The following PDS5B variants were observed in gnomAD, a reference collection of about 807,000 sequenced individuals.
PDS5B encodes PDS5 cohesin associated factor B.
In PDS5B, 51 loss-of-function variants were observed where a neutral mutation model predicts 184.1. The observed-to-expected ratio is 0.28, with a 90% CI of 0.22 to 0.35. The LOEUF (loss-of-function observed/expected upper bound fraction) is 0.35, where lower values mean the gene tolerates loss of function less well. PDS5B is among the 10% of genes least tolerant of loss of function. The pLI is 1.00. For synonymous variants in PDS5B, 566 were observed against 569.2 expected (o/e 0.99, Z 0.08); for missense variants, 1,180 against 1,723.3 (o/e 0.68, Z 5.58).
At chr13:32,662,435 T>TTATTAAATTA (rs1950675599) in intron 6 of PDS5B, among the ~76,000 whole-genome samples, 1 of 152,062 alleles carries the variant, frequency 6.6e-6, no homozygotes, top group Non-Finnish European at 1.5e-5. Flanking sequence ...ACTACTAATT[T>TTATTAAATTA]AATAACAAGC....
At position 32,770,254 on chromosome 13, in the gene PDS5B, G is replaced by A. The variant is rs371825057; in HGVS notation, c.3758G>A (p.Gly1253Asp). ...GGCAGTCAGCGAAGTCGGAAAAGAG[G>A]CCATACGGCTTCAGAATCTGATGAA... The part of the protein sequence containing the change: ...PKGSQRSRKR[G>D]HTASESDEQQ... Residue 1253 changes from glycine to aspartate, a missense_variant, in exon 32 of 35, where the codon GGC becomes GAC. Transcript: ENST00000315596. The A allele has an allele frequency of 4.3e-6, 7 of 1,613,962 alleles. No homozygotes were observed. The highest frequency in any genetic ancestry group is 5.9e-6 in the Non-Finnish European group (7 of 1,179,996).
intron 1 of PDS5B, among the ~76,000 whole-genome samples, chr13:32,627,013 C>CTT (rs11432906): frequency 0.016 from 2,361 of 151,912 alleles, 45 homozygotes; most frequent in African/African-American, 0.036. Flanking sequence ...CTATCTAGCA[C>CTT]TTTTTTTTAT....
chr13:32,731,825 G>C (rs189970620), intron 19 of PDS5B, among the ~76,000 whole-genome samples: 483 of 152,224 alleles, frequency 3.2e-3, no homozygotes, highest in Admixed American at 5.5e-3. Flanking sequence ...AGGCCTGTTG[G>C]GAGCGGCGTT....
chr13:32,606,210 G>T (rs1405244384), intron 1 of PDS5B, among the ~76,000 whole-genome samples: 1 of 152,176 alleles, frequency 6.6e-6, no homozygotes, highest in Non-Finnish European at 1.5e-5. Context: ...GGTACTGGTT[G>T]TTCCTTTCCA....
chr13:32,656,696 A>G (rs1950522755), intron 3 of PDS5B, among the ~76,000 whole-genome samples: 1 of 151,614 alleles, frequency 6.6e-6, no homozygotes, highest in Non-Finnish European at 1.5e-5. Context: ...TCCTGGGTAC[A>G]AGCAATTCTC....
intron 24 of PDS5B, 67 bp downstream of exon 24, chr13:32,746,167 C>T: frequency 7.5e-7 from 1 of 1,335,824 alleles, no homozygotes; most frequent in Non-Finnish European, 1.1e-6. Context: ...AAAACATCCA[C>T]TGTGATACAT....
In PDS5B at chr13:32,770,175, G is replaced by A; in HGVS notation, c.3679G>A (p.Glu1227Lys). The change falls in exon 32 of 35, where the codon GAG becomes AAG. Residue 1227 changes from glutamate to lysine, a missense_variant. Physicochemically the swap from Glu to Lys is moderately conservative, Grantham distance 56. Around this residue, in one of 11 missense-constraint regions of PDS5B, gnomAD observed 465 missense variants for 497.8 expected, o/e 0.93. Transcript: ENST00000315596. ...RKKTPVTEQEEKLGMDDLTKL... is the reference protein window; with the variant it reads ...RKKTPVTEQEKKLGMDDLTKL... The stretch of plus-strand genomic sequence containing the variant: ...AAAAACGCCCGTCACAGAACAGGAG[G>A]AGAAATTAGGTATGGATGACTTGAC... 6.2e-7 allele frequency: 1 copy of A among 1,613,914 alleles called. No individual in the cohort carries two copies. Among genetic ancestry groups the A allele is most frequent in the East Asian group, 2.2e-5 (1 of 44,856 alleles).
intron 7 of PDS5B, 121 bp from the exon 8 acceptor site, chr13:32,673,095 T>G: frequency 1.2e-6 from 1 of 828,126 alleles, no homozygotes; most frequent in Non-Finnish European, 2.0e-6. Context: ...TTAGAAAATA[T>G]TTTGATATGC....
chr13:32,644,815 G>GA (rs2140638415), intron 1 of PDS5B, among the ~76,000 whole-genome samples: 1 of 152,058 alleles, frequency 6.6e-6, no homozygotes, highest in Non-Finnish European at 1.5e-5. Flanking sequence ...ATTGAGATTT[G>GA]AAAAAATCTG....
At chr13:32,723,839 G>A (rs1415963592) in intron 19 of PDS5B, among the ~76,000 whole-genome samples, 1 of 152,142 alleles carries the variant, frequency 6.6e-6, no homozygotes, top group African/African-American at 2.4e-5. Context: ...TAAAAGATTA[G>A]TGTTTTAGTT....
chr13:32,653,075 C>T (rs1187323691), intron 3 of PDS5B, among the ~76,000 whole-genome samples: 2 of 152,084 alleles, frequency 1.3e-5, no homozygotes, highest in Non-Finnish European at 2.9e-5. Context: ...GGGCCGATCA[C>T]CTGAGGTCAG....
intron 3 of PDS5B, 134 bp downstream of exon 3, chr13:32,652,141 T>TA (rs1950380280): frequency 9.8e-6 from 6 of 612,312 alleles, no homozygotes; most frequent in Admixed American, 3.3e-5. Flanking sequence ...TTGCTAAACT[T>TA]AATGTTTTTT....
At chr13:32,711,502 C>T (rs1952202240) in intron 19 of PDS5B, among the ~76,000 whole-genome samples, 1 of 152,038 alleles carries the variant, frequency 6.6e-6, no homozygotes, top group Admixed American at 6.5e-5. Context: ...GAATTACAGG[C>T]CTGCACCACC....
At chr13:32,662,769 G>T (rs1256167708) in intron 6 of PDS5B, among the ~76,000 whole-genome samples, 1 of 152,104 alleles carries the variant, frequency 6.6e-6, no homozygotes. Context: ...AATGAAATTA[G>T]TGAAATAGAA....
At chr13:32,732,482 T>A (rs1046907433) in intron 20 of PDS5B, among the ~76,000 whole-genome samples, 1 of 152,152 alleles carries the variant, frequency 6.6e-6, no homozygotes, top group Non-Finnish European at 1.5e-5. Context: ...TGGAGACTAT[T>A]TTTTGTTAAC....
intron 11 of PDS5B, among the ~76,000 whole-genome samples, chr13:32,685,262 G>A (rs1014231646): frequency 2.0e-5 from 3 of 152,170 alleles, no homozygotes; most frequent in South Asian, 2.1e-4. Context: ...TATTTTAACC[G>A]ATAAATTTAG....
chr13:32,758,481 G>T, intron 27 of PDS5B, 53 bp from the exon 28 acceptor site: 1 of 1,525,334 alleles, frequency 6.6e-7, no homozygotes, highest in South Asian at 1.2e-5. Flanking sequence ...CTAGTTTACA[G>T]AGTCTAGATT....
At chr13:32,666,971 A>G (rs1460981173) in intron 6 of PDS5B, among the ~76,000 whole-genome samples, 1 of 152,200 alleles carries the variant, frequency 6.6e-6, no homozygotes, top group African/African-American at 2.4e-5. Context: ...TTTAATGTCA[A>G]TGAATAGGAC....
chr13:32,708,550 C>T (rs1023863590), intron 18 of PDS5B, among the ~76,000 whole-genome samples: 8 of 152,114 alleles, frequency 5.3e-5, no homozygotes, highest in Non-Finnish European at 1.0e-4. Flanking sequence ...AATTGCTGTA[C>T]AGGGAAATTT....
Sources: gnomAD v4.1 joint callset for allele counts (sites outside exome capture counted in the v4.1 genomes callset) on GRCh38, gnomAD v4.1.1 for gene constraint, gnomAD v4.1.1 regional missense constraint, MANE v1.5 for transcripts, NCBI Gene and HGNC (gene_info 2026-07-23, HGNC 2026-07-21) for gene names.